The following SLC9A6 variants were observed in gnomAD, a reference collection of about 807,000 sequenced individuals.
SLC9A6 encodes solute carrier family 9 member A6, also known as sodium/hydrogen exchanger 6.
Under a neutral mutation model 45.3 loss-of-function variants are expected in SLC9A6, and 6 were observed. The observed-to-expected ratio is 0.13, with a 90% CI of 0.07 to 0.26. The LOEUF (loss-of-function observed/expected upper bound fraction) is 0.26, where lower values mean the gene tolerates loss of function less well. Ranked by LOEUF, SLC9A6 falls within the 10% of genes least tolerant of loss-of-function variation. SLC9A6 has a pLI of 1.00. For synonymous variants in SLC9A6, 191 were observed against 187.7 expected, an observed-to-expected ratio of 1.02 and a Z score of -0.14; for missense variants, 278 against 503.7, an observed-to-expected ratio of 0.55 and a Z score of 4.29.
At chrX:136,036,615 G>A (rs1603221628) in intron 16 of SLC9A6, among the ~76,000 whole-genome samples, 1 of 112,695 alleles carries the variant, frequency 8.9e-6, no homozygotes, top group African/African-American at 3.2e-5. Flanking sequence ...CTGGGCTCAG[G>A]TGATCCTCCT....
rs1060502675 is a variant in SLC9A6 at position 135,994,822 on chromosome X, A to G, written c.206A>G (p.His69Arg). The change falls in exon 3 of 18, where the codon CAT (histidine) becomes CGT (arginine). Residue 69 changes from histidine (H) to arginine (R), a missense_variant. Physicochemically the swap from His to Arg is conservative, Grantham distance 29. Coordinates refer to ENST00000630721, the MANE Select transcript of SLC9A6 (RefSeq NM_001379110.1). ...GGCCTTGTGCTTCGGTATGGCATTC[A>G]TGTTCCGAGTGATGTAAATAATGTG... ...LVGLVLRYGI[H>R]VPSDVNNVTL... The G allele has an allele frequency of 8.3e-7, 1 of 1,211,396 alleles. No homozygotes were observed. Among genetic ancestry groups the G allele is most frequent in the Non-Finnish European group, 1.1e-6 (1 of 895,396 alleles).
Position 136,024,501 on chromosome X carries a change from A to G in SLC9A6, c.1460+18A>G. 8.5e-7 allele frequency: 1 copy of G among 1,179,348 alleles called. No homozygotes were observed. Among genetic ancestry groups the G allele is most frequent in the Non-Finnish European group, 1.2e-6 (1 of 867,901 alleles). ...CATATCAGGTAAGTACTAACTAGAG[A>G]CCTCATTTTAAGATTAAATTTTAAT... On this transcript the variant is annotated intron_variant, in intron 13 of 17. Transcript: ENST00000630721.
At position 136,035,884 on chromosome X, in the gene SLC9A6, G is replaced by A. The variant is rs2071404136; in HGVS notation, c.1661+2391G>A. Among the ~76,000 whole-genome samples, 3 of 108,962 alleles carry A rather than the reference G, an allele frequency of 2.8e-5. No homozygotes were observed. The South Asian group carries it at 1.2e-3, about 44-fold the overall frequency. 94.6% of individuals were successfully genotyped at this position (108,962 alleles called of 115,157 possible). The stretch of plus-strand genomic sequence containing the variant: ...TCCTCTAAACACAGCCTCCTGGGTA[G>A]CTGGGACTCCTGGTGCATGTCATCA... On this transcript the variant is annotated intron_variant, in intron 16 of 17. Transcript: ENST00000630721.
At chrX:135,985,929 C>G (rs2089330046) in intron 2 of SLC9A6, 102 bp downstream of exon 2, 2 of 978,672 alleles carry the variant, frequency 2.0e-6, no homozygotes, top group South Asian at 2.0e-5. Context: ...CGTTCGGCTC[C>G]CCTTCTAATT....
chrX:135,998,190 GT>G lies in SLC9A6; in HGVS notation c.447+6del. ...GCAGGTTATAGCCTGAAAAGGGTAA[GT>G]CCTTTTGTCTTTCATATACTTTGAA... On this transcript the variant is annotated splice_donor_region_variant and intron_variant, in intron 4 of 17. Transcript: ENST00000630721. The G allele has an allele frequency of 9.6e-7, 1 of 1,042,377 alleles. No homozygotes were observed. The highest frequency in any genetic ancestry group is 2.2e-5 in the Admixed American group (1 of 45,697). The allele number at this position is 1,042,377 out of a possible 1,213,427, so 85.9% of individuals were successfully genotyped here.
At chrX:136,037,779 C>T (rs1556621966) in intron 16 of SLC9A6, among the ~76,000 whole-genome samples, 1 of 111,370 alleles carries the variant, frequency 9.0e-6, no homozygotes, top group Admixed American at 9.5e-5. Flanking sequence ...ACCGTGTTTG[C>T]CAGGATGGTC....
intron 12 of SLC9A6, 92 bp from the exon 13 acceptor site, chrX:136,024,238 T>C: frequency 1.1e-6 from 1 of 950,841 alleles, no homozygotes; most frequent in Non-Finnish European, 1.5e-6. Context: ...CACATGCTTC[T>C]AAGTTTTTAG....
intron 13 of SLC9A6, among the ~76,000 whole-genome samples, chrX:136,027,912 T>C (rs1269886606): frequency 2.7e-5 from 3 of 112,488 alleles, no homozygotes; most frequent in African/African-American, 9.7e-5. Flanking sequence ...TCCTTTCACA[T>C]AGTTTGTGAC....
chrX:136,039,911 T>C (rs183219921), intron 16 of SLC9A6, 165 bp from the exon 17 acceptor site: 3 of 491,980 alleles, frequency 6.1e-6, no homozygotes, highest in East Asian at 3.7e-5. Flanking sequence ...AAATACCCCT[T>C]TGCTGTTTCA....
chrX:136,044,256 G>A (rs1556623134), intron 17 of SLC9A6, among the ~76,000 whole-genome samples, 196 bp from the exon 18 acceptor site: 2 of 111,035 alleles, frequency 1.8e-5, no homozygotes. Flanking sequence ...TGTGGGAGGG[G>A]CAGATTGTAG....
At chrX:135,996,848 G>A (rs782801099) in intron 3 of SLC9A6, among the ~76,000 whole-genome samples, 2 of 106,649 alleles carry the variant, frequency 1.9e-5, no homozygotes, top group South Asian at 4.1e-4. Context: ...CTCATTGCAA[G>A]CTCTGCCTCC....
chrX:136,007,297 G>T (rs974174025), intron 7 of SLC9A6, among the ~76,000 whole-genome samples: 16 of 110,032 alleles, frequency 1.5e-4, no homozygotes, highest in African/African-American at 5.0e-4. Flanking sequence ...ATGGGGGGGG[G>T]TTCCTATTGA....
chrX:135,998,414 T>G, intron 4 of SLC9A6, 68 bp from the exon 5 acceptor site: 2 of 793,637 alleles, frequency 2.5e-6, no homozygotes, highest in Non-Finnish European at 3.7e-6. Context: ...TAGCATAGCA[T>G]AGAAAACCTT....
At chrX:136,007,701 T>G (rs1339760060) in intron 7 of SLC9A6, among the ~76,000 whole-genome samples, 5 of 111,693 alleles carry the variant, frequency 4.5e-5, no homozygotes, top group Non-Finnish European at 9.4e-5. Flanking sequence ...TTTCTGTAGC[T>G]TTTTTACTTG....
rs2089624162 is a variant in SLC9A6 at position 136,004,255 on chromosome X, A to G, written c.743+2042A>G. On this transcript the variant is annotated intron_variant, in intron 7 of 17. Transcript: ENST00000630721. ...GGGCATGTGCCACCATGCCTGGCTCATTTTTGTATATTTAGTAAAGACGGG... is the reference window on the plus strand; with the variant it reads ...GGGCATGTGCCACCATGCCTGGCTCGTTTTTGTATATTTAGTAAAGACGGG... Among the ~76,000 whole-genome samples the G allele has an allele frequency of 3.7e-5, 4 of 107,511 alleles. No homozygotes were observed. In the Admixed American group the frequency reaches 4.0e-4, roughly 11 times the overall value. The allele number at this position is 107,511 out of a possible 115,157, so 93.4% of individuals were successfully genotyped here. A position where few individuals can be genotyped will look rare whatever the true frequency, so the allele number is the denominator to read the frequency against.
At chrX:136,033,691 C>T (rs2071367288) in intron 16 of SLC9A6, among the ~76,000 whole-genome samples, 198 bp downstream of exon 16, 1 of 109,790 alleles carries the variant, frequency 9.1e-6, no homozygotes, top group South Asian at 3.9e-4. Context: ...ACCGTAGGGA[C>T]TGGTCATTTC....
chrX:136,029,039 G>A, intron 14 of SLC9A6, 64 bp downstream of exon 14: 1 of 285,591 alleles, frequency 3.5e-6, no homozygotes, highest in East Asian at 5.0e-5. Flanking sequence ...TGCTGCAGAT[G>A]CACAGAGGAG....
chrX:136,000,547 A>G (rs2089567049), intron 6 of SLC9A6, among the ~76,000 whole-genome samples: 1 of 111,828 alleles, frequency 8.9e-6, no homozygotes, highest in Non-Finnish European at 1.9e-5. Flanking sequence ...GCTTGGCTAC[A>G]TTATTTCAAC....
intron 16 of SLC9A6, among the ~76,000 whole-genome samples, chrX:136,039,436 A>G (rs2071470085): frequency 1.8e-5 from 2 of 110,520 alleles, no homozygotes; most frequent in African/African-American, 6.6e-5. Context: ...TTTTTGGCAA[A>G]TAAATGAATA....
Sources: gnomAD v4.1 joint callset for allele counts (sites outside exome capture counted in the v4.1 genomes callset) on GRCh38, gnomAD v4.1.1 for gene constraint, MANE v1.5 for transcripts, NCBI Gene and HGNC (gene_info 2026-07-23, HGNC 2026-07-21) for gene names.